The following RUNX2 variants were observed in gnomAD, a reference collection of about 807,000 sequenced individuals.
RUNX2 encodes runt-related transcription factor 2.
A neutral mutation model predicts 51.7 loss-of-function variants in RUNX2; 10 were observed. The observed-to-expected ratio is 0.19, with a 90% confidence interval of 0.12 to 0.33. The LOEUF is 0.33. Ranked by LOEUF, RUNX2 falls within the 10% of genes least tolerant of loss-of-function variation. The pLI is 1.00. For missense variants in RUNX2, 562 were observed against 691.3 expected (o/e 0.81, Z 2.10); for synonymous variants, 276 against 273.6 (o/e 1.01, Z -0.09).
chr6:45,422,416 C>T lies in RUNX2; in HGVS notation c.59-177C>T, dbSNP rs1028597826. Reference sequence around the variant, plus strand: ...CTCTGTTGGCCCATCAGACTCCGCCCGGCAGTCGGCCTCATCAAACTTGAT... The same window carrying T: ...CTCTGTTGGCCCATCAGACTCCGCCTGGCAGTCGGCCTCATCAAACTTGAT... On this transcript the variant is annotated intron_variant, in intron 2 of 8. Transcript: ENST00000647337. The T allele has an allele frequency of 4.3e-5, 27 of 634,890 alleles. No homozygotes were observed. The African/African-American group carries it at 4.7e-4, about 11-fold the overall frequency. The allele number at this position is 634,890 out of a possible 1,614,324, so 39.3% of individuals were successfully genotyped here. A position where few individuals can be genotyped will look rare whatever the true frequency, so the allele number is the denominator to read the frequency against.
At position 45,423,694 on chromosome 6, in the gene RUNX2, T is replaced by A. The variant is rs1482991564; in HGVS notation, c.423+737T>A. Among the ~76,000 whole-genome samples the A allele has an allele frequency of 4.0e-5, 6 of 150,402 alleles. No individual in the cohort carries two copies. In the South Asian group the frequency reaches 6.3e-4, roughly 16 times the overall value. Reference sequence around the variant, plus strand: ...AACCTAGGGTCTCCAGAGGAGGGGGTGTCAGGGCGGGGGCGTTTGCTCTGT... The same window carrying A: ...AACCTAGGGTCTCCAGAGGAGGGGGAGTCAGGGCGGGGGCGTTTGCTCTGT... On this transcript the variant is annotated intron_variant, in intron 3 of 8. Transcript: ENST00000647337.
At chr6:45,367,443 A>G (rs959534984) in intron 2 of RUNX2, among the ~76,000 whole-genome samples, 2 of 152,016 alleles carry the variant, frequency 1.3e-5, no homozygotes, top group African/African-American at 4.8e-5. Context: ...AAACATAACC[A>G]TTTGAGACTC....
Position 45,493,781 on chromosome 6 carries a change from T to TAC in RUNX2, c.859+1673_859+1674dup, listed in dbSNP as rs1429286977. 2.2e-4 allele frequency among the ~76,000 whole-genome samples: 34 copies of TAC among 152,054 alleles called. No homozygotes were observed. The East Asian group carries it at 3.9e-3, about 17-fold the overall frequency. On this transcript the variant is annotated intron_variant, in intron 6 of 8. Coordinates refer to ENST00000647337, the MANE Select transcript of RUNX2 (RefSeq NM_001024630.4). ...GTTTGTAGAAGCAAATGTATATATATACACACATATATATGTGTTTATATA... is the reference window on the plus strand; with the variant it reads ...GTTTGTAGAAGCAAATGTATATATATACACACACATATATATGTGTTTATATA...
At chr6:45,362,898 G>A (rs1431493968) in intron 2 of RUNX2, among the ~76,000 whole-genome samples, 1 of 152,054 alleles carries the variant, frequency 6.6e-6, no homozygotes, top group East Asian at 1.9e-4. Flanking sequence ...GCTCTCCTAA[G>A]TATAAATAAC....
rs902266549 is a variant in RUNX2, at chr6:45,491,803, T to G, written c.686-138T>G. 4 of 901,416 alleles carry G rather than the reference T, an allele frequency of 4.4e-6. No homozygotes were observed. In the Admixed American group the frequency reaches 7.2e-5, roughly 16 times the overall value. The allele number at this position is 901,416 out of a possible 1,614,324, so 55.8% of individuals were successfully genotyped here. ...AAGCAATTTGAAATGGAAGGCATTA[T>G]GTAGACAAGTCATTATAAATATTAA... is the stretch of plus-strand genomic sequence containing the variant. On this transcript the variant is annotated intron_variant, in intron 5 of 8. Transcript: ENST00000647337.
intron 2 of RUNX2, among the ~76,000 whole-genome samples, chr6:45,335,971 A>T (rs1008756318): frequency 2.0e-5 from 3 of 151,276 alleles, no homozygotes; most frequent in Non-Finnish European, 3.0e-5. Context: ...ACTACTTACA[A>T]AGACAATGTG....
At chr6:45,450,523 C>A (rs1799137852) in intron 5 of RUNX2, among the ~76,000 whole-genome samples, 2 of 152,196 alleles carry the variant, frequency 1.3e-5, no homozygotes, top group South Asian at 2.1e-4. Flanking sequence ...ACAAACATTT[C>A]TCTATAATCA....
intron 7 of RUNX2, among the ~76,000 whole-genome samples, chr6:45,524,430 T>C (rs1801606570): frequency 6.6e-6 from 1 of 152,200 alleles, no homozygotes. Flanking sequence ...GGAGGAGCCC[T>C]GTGCTTTTGT....
At chr6:45,389,074 C>T (rs975698675) in intron 2 of RUNX2, among the ~76,000 whole-genome samples, 2 of 152,184 alleles carry the variant, frequency 1.3e-5, no homozygotes, top group Non-Finnish European at 2.9e-5. Context: ...CTTAAACCTT[C>T]GGCTTCTACT....
At chr6:45,471,484 G>C (rs1490020947) in intron 5 of RUNX2, among the ~76,000 whole-genome samples, 2 of 145,450 alleles carry the variant, frequency 1.4e-5, no homozygotes, top group African/African-American at 5.1e-5. Context: ...TCGCTGTGTC[G>C]CCCAGGCTGG....
At chr6:45,374,270 A>G (rs1796481253) in intron 2 of RUNX2, among the ~76,000 whole-genome samples, 1 of 152,222 alleles carries the variant, frequency 6.6e-6, no homozygotes, top group South Asian at 2.1e-4. Flanking sequence ...GAACATTATT[A>G]TCACTTCTAG....
rs545060845 is a variant in RUNX2, at chr6:45,346,544, TA to T, written c.58+17762del. On this transcript the variant is annotated intron_variant, in intron 2 of 8. Transcript: ENST00000647337. ...ATCATCTAGCCAAATGCCTGGCATA[TA>T]ATAGGAATTCAATAAACATTTCTTT... Among the ~76,000 whole-genome samples, 459 of 150,604 alleles carry T rather than the reference TA, an allele frequency of 3.0e-3. 5 individuals carry two copies. The highest frequency in any genetic ancestry group is 0.015 in the South Asian group (71 of 4,774).
chr6:45,528,557 G>A (rs565596913), intron 7 of RUNX2, among the ~76,000 whole-genome samples: 2 of 152,168 alleles, frequency 1.3e-5, no homozygotes, highest in South Asian at 4.2e-4. Context: ...GGAGGCAGAG[G>A]TTGCAGTGAG....
intron 2 of RUNX2, among the ~76,000 whole-genome samples, chr6:45,333,233 G>A (rs977252640): frequency 4.6e-5 from 7 of 151,440 alleles, no homozygotes; most frequent in African/African-American, 1.7e-4. Flanking sequence ...AATGTGTTAC[G>A]ATTCAAAAAA....
intron 6 of RUNX2, 117 bp from the exon 7 acceptor site, chr6:45,512,129 A>G (rs1801171529): frequency 2.4e-6 from 2 of 843,394 alleles, no homozygotes; most frequent in Non-Finnish European, 3.8e-6. Flanking sequence ...ATATATATAT[A>G]AGCCATTTTT....
intron 6 of RUNX2, among the ~76,000 whole-genome samples, chr6:45,494,504 T>C (rs970797123): frequency 8.5e-5 from 13 of 152,194 alleles, no homozygotes; most frequent in African/African-American, 2.9e-4. Context: ...TATAGACTAG[T>C]GTTCTTTTTT....
chr6:45,428,918 C>G (rs1798460471), intron 3 of RUNX2, among the ~76,000 whole-genome samples: 1 of 145,926 alleles, frequency 6.9e-6, no homozygotes, highest in African/African-American at 2.5e-5. Context: ...TCAACAACAT[C>G]AAAGAACATC....
intron 7 of RUNX2, among the ~76,000 whole-genome samples, chr6:45,524,993 C>T (rs1188938039): frequency 6.6e-6 from 1 of 152,160 alleles, no homozygotes; most frequent in East Asian, 1.9e-4. Flanking sequence ...CGCCTGTAGT[C>T]CCAGCTACTT....
chr6:45,533,724 A>G (rs1471464774), intron 7 of RUNX2, among the ~76,000 whole-genome samples: 1 of 152,148 alleles, frequency 6.6e-6, no homozygotes, highest in African/African-American at 2.4e-5. Context: ...ATTCTTTGCA[A>G]AGTCAGTTTT....
Sources: allele counts gnomAD v4.1 joint callset (sites outside exome capture counted in the v4.1 genomes callset), GRCh38; gene constraint gnomAD v4.1.1; transcripts MANE v1.5; gene names NCBI Gene and HGNC (gene_info 2026-07-23, HGNC 2026-07-21).